The following PAMR1 variants were observed in gnomAD, a reference collection of about 807,000 sequenced individuals.
The protein encoded by PAMR1 is inactive serine protease PAMR1.
PAMR1 carries 88 observed loss-of-function variants against 81.8 expected under a neutral mutation model. The ratio of observed to expected loss-of-function variants is 1.08; its 90% CI spans 0.91 to 1.28. PAMR1 has a LOEUF of 1.28. Ranked by LOEUF, PAMR1 falls within the 50% of genes most tolerant of loss-of-function variation. The probability of loss-of-function intolerance (pLI) is 0.00; values close to 1 mark genes in which losing one functional copy is unlikely to be tolerated. For missense variants in PAMR1, 935 were observed against 919.7 expected (o/e 1.02, Z -0.21); for synonymous variants, 336 against 345.3 (o/e 0.97, Z 0.30).
Position 35,467,962 on chromosome 11 carries a change from C to A in PAMR1, c.820+39G>T, listed in dbSNP as rs780120856. 4.0e-6 allele frequency: 5 copies of A among 1,254,286 alleles called. No individual in the cohort carries two copies. The East Asian group carries it at 1.0e-4, about 25-fold the overall frequency. The allele number at this position is 1,254,286 out of a possible 1,614,324, so 77.7% of individuals were successfully genotyped here. ...TCTTAAAATCCTTCCATACCAGCCC[C>A]ATCTGACACCTTAACTCCCACTTAG... is the stretch of plus-strand genomic sequence containing the variant. On this transcript the variant is annotated intron_variant, in intron 6 of 10. Transcript: ENST00000619888.
At chr11:35,508,688 C>T (rs778518441) in intron 1 of PAMR1, among the ~76,000 whole-genome samples, 60 of 152,074 alleles carry the variant, frequency 3.9e-4, no homozygotes, top group African/African-American at 9.4e-4. Flanking sequence ...ATTCTCCTCC[C>T]GCCCTCCACC....
At chr11:35,488,887 C>T (rs983931014) in intron 3 of PAMR1, among the ~76,000 whole-genome samples, 7 of 151,956 alleles carry the variant, frequency 4.6e-5, no homozygotes, top group African/African-American at 1.5e-4. Flanking sequence ...TTATATGAAA[C>T]TGCTATTGCT....
intron 1 of PAMR1, among the ~76,000 whole-genome samples, chr11:35,523,868 A>AG (rs1692388789): frequency 6.6e-6 from 1 of 152,240 alleles, no homozygotes; most frequent in Admixed American, 6.5e-5. Flanking sequence ...TCACAGCCAA[A>AG]GGTAAAAGAG....
At chr11:35,448,217 G>A (rs183796237) in intron 6 of PAMR1, among the ~76,000 whole-genome samples, 41 of 152,278 alleles carry the variant, frequency 2.7e-4, no homozygotes, top group African/African-American at 9.6e-4. Context: ...AGTTCTCCTA[G>A]ATGACATCCT....
At chr11:35,526,670 G>T (rs912284283), upstream of PAMR1, among the ~76,000 whole-genome samples, 105 of 152,332 alleles carry the variant, frequency 6.9e-4, 1 homozygote, top group Middle Eastern at 3.4e-3. Context: ...AACCCGGGCA[G>T]CTTAGGCCCA....
rs143797936 is a variant in PAMR1 at position 35,468,222 on chromosome 11, T to C, written c.713-114A>G. On this transcript the variant is annotated intron_variant, in intron 5 of 10. Transcript: ENST00000619888. Reference sequence around the variant, plus strand: ...TATTAAAGTCTTCTTGCAATGTTTTTTCTTCCCTTTACTGAATTCATGTTA... The same window carrying C: ...TATTAAAGTCTTCTTGCAATGTTTTCTCTTCCCTTTACTGAATTCATGTTA... 1.4e-4 allele frequency: 86 copies of C among 624,448 alleles called. No individual in the cohort carries two copies. In the African/African-American group the frequency reaches 1.5e-3, roughly 11 times the overall value. 38.7% of individuals were successfully genotyped at this position (624,448 alleles called of 1,614,324 possible).
At chr11:35,460,292 C>A (rs1156815377) in intron 6 of PAMR1, among the ~76,000 whole-genome samples, 1 of 151,534 alleles carries the variant, frequency 6.6e-6, no homozygotes, top group Admixed American at 6.6e-5. Context: ...TATGCTCTCA[C>A]TGTTTGTATC....
intron 9 of PAMR1, 28 bp downstream of exon 9, chr11:35,435,875 T>A: frequency 6.5e-7 from 1 of 1,547,910 alleles, no homozygotes; most frequent in Non-Finnish European, 8.9e-7. Flanking sequence ...TTGAGCATGC[T>A]CAAGCCCAAG....
chr11:35,484,897 A>G lies in PAMR1; in HGVS notation c.379+7148T>C, dbSNP rs570889792. The stretch of plus-strand genomic sequence containing the variant: ...GGCCAAGCTAAACCAACACCAGTCC[A>G]GTGGTCAGCAGTGGAAGTCAGCAGA... On this transcript the variant is annotated intron_variant, in intron 3 of 10. Transcript: ENST00000619888. 3.3e-5 allele frequency among the ~76,000 whole-genome samples: 5 copies of G among 152,336 alleles called. No homozygotes were observed. In the South Asian group the frequency reaches 1.0e-3, roughly 32 times the overall value.
intron 6 of PAMR1, among the ~76,000 whole-genome samples, chr11:35,465,319 T>C (rs1387233216): frequency 6.6e-6 from 1 of 150,780 alleles, no homozygotes. Flanking sequence ...TTAAAGCCAT[T>C]AAAAAAAAAG....
intron 6 of PAMR1, 61 bp from the exon 7 acceptor site, chr11:35,441,754 A>G: frequency 8.8e-7 from 1 of 1,131,266 alleles, no homozygotes; most frequent in Non-Finnish European, 1.3e-6. Flanking sequence ...ATTTTAGAAT[A>G]GAATCTTTCA....
At position 35,432,901 on chromosome 11, in the gene PAMR1, G is replaced by A; in HGVS notation, c.1627-9C>T. On this transcript the variant is annotated splice_polypyrimidine_tract_variant and intron_variant, in intron 10 of 10. Transcript: ENST00000619888. The stretch of plus-strand genomic sequence containing the variant: ...AGAATGATAGCAGAAATCTACAAAT[G>A]CAAGGAATGGGCAGCAATGGTGAGG... 1 of 1,559,798 alleles carries A rather than the reference G, an allele frequency of 6.4e-7. No individual in the cohort carries two copies. The highest frequency in any genetic ancestry group is 8.6e-7 in the Non-Finnish European group (1 of 1,156,196).
chr11:35,441,559 A>G lies in PAMR1; in HGVS notation c.955T>C (p.Tyr319His). The stretch of plus-strand genomic sequence containing the variant: ...CTTTTCTCATTGCCACTAAGAACAT[A>G]GGAGTTGTTACAAAAGAAAGACACC... ...TVVSFFCNNS[Y>H]VLSGNEKRTC... is the part of the protein sequence containing the mutation. Residue 319 changes from tyrosine to histidine, a missense_variant, in exon 7 of 11, where the codon TAT becomes CAT. Transcript: ENST00000619888. 6.2e-7 allele frequency: 1 copy of G among 1,613,998 alleles called. No homozygotes were observed. Among genetic ancestry groups the G allele is most frequent in the African/African-American group, 1.3e-5 (1 of 75,040 alleles).
intron 6 of PAMR1, chr11:35,451,982 G>A: frequency 3.1e-6 from 2 of 648,034 alleles, no homozygotes; most frequent in Admixed American, 4.7e-5. Context: ...CCAGTCTATG[G>A]TATTCTCTTG....
rs766255457 is a variant in PAMR1, at chr11:35,470,723, C to A, written c.590G>T (p.Arg197Leu). 1 of 1,614,024 alleles carries A rather than the reference C, an allele frequency of 6.2e-7. No homozygotes were observed. Among genetic ancestry groups the A allele is most frequent in the South Asian group, 1.1e-5 (1 of 91,082 alleles). The change falls in exon 5 of 11, where the codon CGT (arginine) becomes CTT (leucine). Residue 197 changes from arginine to leucine, a missense_variant. Arg to Leu is a moderately radical substitution (Grantham distance 102). Transcript: ENST00000619888. ...AGCTGGCCGCTCGTTGCCACAGACA[C>A]GCTTGATGATCTGGCCATCGCGGTT... ...GDNRDGQIIKRVCGNERPAPI... is the reference protein window; with the variant it reads ...GDNRDGQIIKLVCGNERPAPI...
intron 1 of PAMR1, among the ~76,000 whole-genome samples, chr11:35,495,399 A>G (rs1016615919): frequency 6.6e-6 from 1 of 151,942 alleles, no homozygotes; most frequent in Admixed American, 6.5e-5. Context: ...CTTTTTTTAT[A>G]TATACCTTCA....
intron 6 of PAMR1, among the ~76,000 whole-genome samples, chr11:35,455,316 T>G (rs1012251695): frequency 2.0e-5 from 3 of 152,156 alleles, no homozygotes; most frequent in Admixed American, 6.5e-5. Context: ...GTAAAATCAA[T>G]AATATTAAAT....
At chr11:35,435,454 C>T (rs896036206) in intron 9 of PAMR1, among the ~76,000 whole-genome samples, 1 of 152,112 alleles carries the variant, frequency 6.6e-6, no homozygotes, top group East Asian at 1.9e-4. Context: ...ATGACCCACC[C>T]ACCTTGGGCT....
intron 6 of PAMR1, among the ~76,000 whole-genome samples, chr11:35,458,619 C>T (rs1158780715): frequency 6.6e-6 from 1 of 152,176 alleles, no homozygotes; most frequent in Non-Finnish European, 1.5e-5. Context: ...TGATGACTGT[C>T]ATCTAACTGG....
Sources: allele counts gnomAD v4.1 joint callset (sites outside exome capture counted in the v4.1 genomes callset), GRCh38; gene constraint gnomAD v4.1.1; transcripts MANE v1.5; gene names NCBI Gene and HGNC (gene_info 2026-07-23, HGNC 2026-07-21).